The following ZFP30 variants were observed in gnomAD, a reference collection of about 807,000 sequenced individuals.
ZFP30 encodes ZFP30 zinc finger protein.
Under a neutral mutation model 12.3 loss-of-function variants are expected in ZFP30, and 16 were observed. That is an observed-to-expected ratio of 1.30 (90% confidence interval 0.88 to 1.98). ZFP30 has a LOEUF of 1.98. Among genes scored for constraint, ZFP30 ranks in the 30% most tolerant of loss-of-function variants. The probability of loss-of-function intolerance (pLI) is 0.00; values close to 1 mark genes in which losing one functional copy is unlikely to be tolerated. For missense variants in ZFP30, 560 were observed against 611.2 expected (o/e 0.92, Z 0.88); for synonymous variants, 172 against 201.0 (o/e 0.86, Z 1.22).
In ZFP30 at chr19:37,640,845, CCT is replaced by C. The variant is rs2044420896; in HGVS notation, c.235+2418_235+2419del. Among the ~76,000 whole-genome samples the C allele has an allele frequency of 1.3e-5, 2 of 152,102 alleles. 1 individual carries two copies. The highest frequency in any genetic ancestry group is 4.1e-4 in the South Asian group (2 of 4,826). On this transcript the variant is annotated intron_variant, in intron 5 of 5. Transcript: ENST00000684514. The stretch of plus-strand genomic sequence containing the variant: ...CCTGAGGTATAATGTCTCCCCCACC[CCT>C]TTTTTTTCTGGCTGATACAAGATTA...
chr19:37,632,168 ATTTG>A lies in ZFP30; in HGVS notation c.*2809_*2812del, dbSNP rs1290344601. On this transcript the variant is annotated 3_prime_UTR_variant, in exon 6 of 6. Transcript: ENST00000684514. ...TATCTTCTAACCGTCTTAATTTTTC[ATTTG>A]TTTGTTGGTCTACTCAGGCTCTCTT... 2 of 151,090 alleles carry A rather than the reference ATTTG, an allele frequency of 1.3e-5. No homozygotes were observed. The highest frequency in any genetic ancestry group is 4.9e-5 in the African/African-American group (2 of 41,124). 9.4% of individuals were successfully genotyped at this position (151,090 alleles called of 1,614,324 possible).
chr19:37,635,937 T>C lies in ZFP30; in HGVS notation c.604A>G (p.Ser202Gly), dbSNP rs190624643. The C allele has an allele frequency of 1.9e-5, 30 of 1,614,214 alleles. No individual in the cohort carries two copies. The East Asian group carries it at 6.0e-4, about 32-fold the overall frequency. The stretch of plus-strand genomic sequence containing the variant: ...GAAGTATGAATTCTCTGATGTCGAC[T>C]GAGGTGGGCACACTGTCTAAAGGCT... The part of the protein sequence containing the change: ...GKAFRQCAHL[S>G]RHQRIHTSDK... Residue 202 changes from serine to glycine, a missense_variant, in exon 6 of 6, where the codon AGT becomes GGT. Ser to Gly is a moderately conservative substitution (Grantham distance 56). Transcript: ENST00000684514.
At chr19:37,651,828 A>G (rs2044657556) in intron 2 of ZFP30, among the ~76,000 whole-genome samples, 1 of 152,216 alleles carries the variant, frequency 6.6e-6, no homozygotes, top group South Asian at 2.1e-4. Context: ...ATTTCTTAAA[A>G]AATTTACAAA....
In ZFP30 at chr19:37,635,893, A is replaced by C. The variant is rs140065428; in HGVS notation, c.648T>G (p.Cys216Trp). The C allele has an allele frequency of 1.2e-6, 2 of 1,614,072 alleles. No homozygotes were observed. The highest frequency in any genetic ancestry group is 2.7e-5 in the African/African-American group (2 of 74,940). ...RIHTSDKLYE[C>W]KKCGKIFTCG... ...ATGTGAAGATCTTTCCACATTTTTT[A>C]CATTCATAGAGTTTGTCAGAAGTAT... Residue 216 changes from cysteine (C) to tryptophan (W), a missense_variant, in exon 6 of 6, where the codon TGT becomes TGG. Coordinates refer to ENST00000684514, the MANE Select transcript of ZFP30 (RefSeq NM_001320669.3).
rs1235176357 is a variant in ZFP30 at position 37,633,886 on chromosome 19, T to C, written c.*1095A>G. ...TTCCAGATATATCATCTCCTGTGTA[T>C]AGACTTCAGAAATTATCTCTAACAA... On this transcript the variant is annotated 3_prime_UTR_variant, in exon 6 of 6. Coordinates refer to ENST00000684514, the MANE Select transcript of ZFP30 (RefSeq NM_001320669.3). The C allele has an allele frequency of 6.6e-6, 1 of 152,218 alleles. No individual in the cohort carries two copies. Among genetic ancestry groups the C allele is most frequent in the Non-Finnish European group, 1.5e-5 (1 of 68,052 alleles). 9.4% of individuals were successfully genotyped at this position (152,218 alleles called of 1,614,324 possible).
chr19:37,644,161 G>C (rs1040758372), intron 4 of ZFP30, among the ~76,000 whole-genome samples: 6 of 152,066 alleles, frequency 3.9e-5, no homozygotes, highest in Non-Finnish European at 7.4e-5. Flanking sequence ...AAAATATAAC[G>C]GTCACTGAAT....
chr19:37,646,956 T>C (rs1450733367), intron 3 of ZFP30, among the ~76,000 whole-genome samples: 2 of 152,154 alleles, frequency 1.3e-5, no homozygotes, highest in Non-Finnish European at 2.9e-5. Flanking sequence ...TTTGGCCATA[T>C]TGGGTTAAAT....
chr19:37,647,267 G>C (rs2044561589), intron 3 of ZFP30, among the ~76,000 whole-genome samples: 1 of 152,118 alleles, frequency 6.6e-6, no homozygotes, highest in Non-Finnish European at 1.5e-5. Flanking sequence ...ATGGATACTG[G>C]TACAATTTGG....
chr19:37,654,498 G>A (rs1408420682), intron 2 of ZFP30, among the ~76,000 whole-genome samples: 1 of 152,188 alleles, frequency 6.6e-6, no homozygotes, highest in East Asian at 1.9e-4. Flanking sequence ...AATTGAATTT[G>A]CAGCCTACAG....
At chr19:37,639,431 T>C (rs987569140) in intron 5 of ZFP30, among the ~76,000 whole-genome samples, 7 of 152,150 alleles carry the variant, frequency 4.6e-5, no homozygotes, top group Middle Eastern at 3.2e-3. Flanking sequence ...TTACTGTTTA[T>C]AGCATTAAAG....
intron 2 of ZFP30, 93 bp downstream of exon 2, chr19:37,654,619 A>C (rs1410915870): frequency 6.6e-6 from 1 of 152,190 alleles, no homozygotes; most frequent in Non-Finnish European, 1.5e-5. Flanking sequence ...CTAAGGCCCA[A>C]ATCAATGAAT....
At chr19:37,655,999 T>G (rs1213695175), upstream of ZFP30, 1 of 152,416 alleles carries the variant, frequency 6.6e-6, no homozygotes, top group African/African-American at 2.4e-5. Flanking sequence ...AATCTAGGCC[T>G]GTAGCCGTGA....
At chr19:37,645,833 T>G (rs1449021515) in intron 3 of ZFP30, among the ~76,000 whole-genome samples, 1 of 152,134 alleles carries the variant, frequency 6.6e-6, no homozygotes, top group Non-Finnish European at 1.5e-5. Flanking sequence ...AAGTATAGTT[T>G]GCATAAAACT....
intron 4 of ZFP30, among the ~76,000 whole-genome samples, chr19:37,643,800 A>G (rs915649624): frequency 8.5e-5 from 13 of 152,326 alleles, no homozygotes; most frequent in African/African-American, 3.1e-4. Context: ...TTAAAGAAAA[A>G]TAAGTTTCTT....
rs2044308310 is a variant in ZFP30 at position 37,635,626 on chromosome 19, C to T, written c.915G>A (p.Gln305=). 6.2e-7 allele frequency: 1 copy of T among 1,614,048 alleles called. No homozygotes were observed. The highest frequency in any genetic ancestry group is 8.5e-7 in the Non-Finnish European group (1 of 1,180,046). ...GAAGGCCTGTACTACACAGAAAGGC[C>T]TGACCACATTCCTTACACTCATAGC... ...EKCYECKECG[Q]AFLCSTGLRL... The change falls in exon 6 of 6, where the codon CAG becomes CAA. Residue 305 remains glutamine (Q), a synonymous_variant. Coordinates refer to ENST00000684514, the MANE Select transcript of ZFP30 (RefSeq NM_001320669.3).
intron 3 of ZFP30, among the ~76,000 whole-genome samples, chr19:37,646,239 T>C (rs567109959): frequency 6.6e-6 from 1 of 152,300 alleles, no homozygotes; most frequent in African/African-American, 2.4e-5. Flanking sequence ...ACTGGGGGTC[T>C]TGGAATGTAT....
At chr19:37,642,156 C>T (rs1411985306) in intron 5 of ZFP30, among the ~76,000 whole-genome samples, 1 of 152,198 alleles carries the variant, frequency 6.6e-6, no homozygotes, top group East Asian at 1.9e-4. Flanking sequence ...AATATTCTAT[C>T]ATTTCTTCTT....
At position 37,640,532 on chromosome 19, in the gene ZFP30, C is replaced by T. The variant is rs1168175938; in HGVS notation, c.235+2733G>A. On this transcript the variant is annotated intron_variant, in intron 5 of 5. Transcript: ENST00000684514. Reference sequence around the variant, plus strand: ...GCTAATGTGAAAACAAAATATTAGTCCATCTTAGATCAAAATGAAAGAAGT... The same window carrying T: ...GCTAATGTGAAAACAAAATATTAGTTCATCTTAGATCAAAATGAAAGAAGT... Among the ~76,000 whole-genome samples the T allele has an allele frequency of 4.0e-5, 6 of 151,072 alleles. No homozygotes were observed. In the East Asian group the frequency reaches 5.8e-4, roughly 15 times the overall value.
chr19:37,636,367 T>C, intron 5 of ZFP30, 62 bp from the exon 6 acceptor site: 1 of 1,391,052 alleles, frequency 7.2e-7, no homozygotes, highest in Non-Finnish European at 9.3e-7. Context: ...AAACGAAAAC[T>C]TTATAATAGA....
Sources: gnomAD v4.1 joint callset for allele counts (sites outside exome capture counted in the v4.1 genomes callset) on GRCh38, gnomAD v4.1.1 for gene constraint, MANE v1.5 for transcripts, NCBI Gene and HGNC (gene_info 2026-07-23, HGNC 2026-07-21) for gene names.